Variants in IFI27L2 observed in about 807,000 individuals in gnomAD.
IFI27L2 encodes interferon alpha inducible protein 27 like 2.
IFI27L2 carries 8 observed loss-of-function variants against 7.9 expected under a neutral mutation model. The ratio of observed to expected loss-of-function variants is 1.02; its 90% CI spans 0.60 to 1.84. The LOEUF is 1.84. Ranked by LOEUF, IFI27L2 falls within the 40% of genes most tolerant of loss-of-function variation. The pLI is 0.00. For synonymous variants in IFI27L2, 56 were observed against 66.5 expected (o/e 0.84, Z 0.77); for missense variants, 190 against 165.8 (o/e 1.15, Z -0.80).
At position 94,129,176 on chromosome 14, in the gene IFI27L2, G is replaced by C. The variant is rs937960436; in HGVS notation, c.37+86C>G. 48 of 1,093,910 alleles carry C rather than the reference G, an allele frequency of 4.4e-5. No homozygotes were observed. The African/African-American group carries it at 5.7e-4, about 13-fold the overall frequency. The allele number at this position is 1,093,910 out of a possible 1,614,324, so 67.8% of individuals were successfully genotyped here. A position where few individuals can be genotyped will look rare whatever the true frequency, so the allele number is the denominator to read the frequency against. On this transcript the variant is annotated intron_variant, in intron 2 of 3. Coordinates refer to ENST00000238609, the MANE Select transcript of IFI27L2 (RefSeq NM_032036.3). The stretch of plus-strand genomic sequence containing the variant: ...CTTCGGAAGTGGAGGGTGAGAGCCA[G>C]CCCAGCGCCTCATCTCTGCGTTCTC...
intron 1 of IFI27L2, 61 bp downstream of exon 1, chr14:94,129,497 T>C: frequency 6.6e-7 from 1 of 1,512,364 alleles, no homozygotes; most frequent in Non-Finnish European, 9.2e-7. Flanking sequence ...CTTCCTGGGC[T>C]GGGGTTGGGG....
At chr14:94,128,760 A>G (rs1263294737) in intron 2 of IFI27L2, 85 bp from the exon 3 acceptor site, 13 of 1,155,912 alleles carry the variant, frequency 1.1e-5, no homozygotes, top group African/African-American at 1.5e-5. Flanking sequence ...ATTCCTTGAC[A>G]GTTTCCGGAG....
At chr14:94,129,180 A>G in intron 2 of IFI27L2, 82 bp downstream of exon 2, 3 of 1,137,036 alleles carry the variant, frequency 2.6e-6, no homozygotes, top group Non-Finnish European at 3.9e-6. Flanking sequence ...GAGCCAGCCC[A>G]GCGCCTCATC....
Position 94,129,599 on chromosome 14 carries a change from A to T in IFI27L2, c.-35T>A, listed in dbSNP as rs138436410. On this transcript the variant is annotated 5_prime_UTR_variant, in exon 1 of 4. Coordinates refer to ENST00000238609, the MANE Select transcript of IFI27L2 (RefSeq NM_032036.3). ...GTCCGGGTCCCAACTTGGCCCAGGA[A>T]ATGACAGCGTTCTTGGGGTGTTACT... is the stretch of plus-strand genomic sequence containing the variant. 905 of 1,611,724 alleles carry T rather than the reference A, an allele frequency of 5.6e-4. 15 individuals are homozygous for T. The East Asian group carries it at 0.02, about 35-fold the overall frequency.
At chr14:94,128,342 C>T (rs1198719267) in intron 3 of IFI27L2, 172 bp downstream of exon 3, 10 of 640,098 alleles carry the variant, frequency 1.6e-5, no homozygotes, top group Non-Finnish European at 2.4e-5. Flanking sequence ...CACCCCTCCA[C>T]TCCTACCCCA....
rs146070904 is a variant in IFI27L2, at chr14:94,128,608, C to T, written c.105G>A (p.Ala35=). The T allele has an allele frequency of 1.6e-4, 256 of 1,614,144 alleles. No individual in the cohort carries two copies. Among genetic ancestry groups the T allele is most frequent in the Non-Finnish European group, 1.9e-4 (228 of 1,179,986 alleles). ...AMGFTGAGIA[A]SSIAAKMMSA... ...ACATCATCTTGGCTGCTATGGAGGA[C>T]GCGGCGATTCCTGCCCCAGTGAAGC... is the stretch of plus-strand genomic sequence containing the variant. The change falls in exon 3 of 4, where the codon GCG becomes GCA. Residue 35 remains alanine, a synonymous_variant. Transcript: ENST00000238609.
chr14:94,127,888 G>T lies in IFI27L2; in HGVS notation c.304C>A (p.Pro102Thr). ...NSPSSSLPAE[P>T]EAKEDEAREN... is the part of the protein sequence containing the mutation. ...CTTGCCTCATCTTCTTTAGCCTCGG[G>T]TTCAGCTGGGAGAGAAGAAGAAGGT... Residue 102 changes from proline to threonine, a missense_variant, in exon 4 of 4, where the codon CCC (proline) becomes ACC (threonine). Coordinates refer to ENST00000238609, the MANE Select transcript of IFI27L2 (RefSeq NM_032036.3). The T allele has an allele frequency of 6.2e-7, 1 of 1,613,908 alleles. No individual in the cohort carries two copies. The highest frequency in any genetic ancestry group is 8.5e-7 in the Non-Finnish European group (1 of 1,179,790).
rs1887621773 is a variant in IFI27L2, at chr14:94,128,298, G to C, written c.199+216C>G. ...AACCCAGGCATTGCTCTTGGCCTAG[G>C]TTCCTTTCCTCTTCTCCCTACCCAG... On this transcript the variant is annotated intron_variant, in intron 3 of 3. Coordinates refer to ENST00000238609, the MANE Select transcript of IFI27L2 (RefSeq NM_032036.3). 10 of 602,044 alleles carry C rather than the reference G, an allele frequency of 1.7e-5. No homozygotes were observed. The South Asian group carries it at 2.1e-4, about 12-fold the overall frequency. 37.3% of individuals were successfully genotyped at this position (602,044 alleles called of 1,614,324 possible).
rs368269665 is a variant in IFI27L2 at position 94,129,212 on chromosome 14, G to C, written c.37+50C>G. On this transcript the variant is annotated intron_variant, in intron 2 of 3. Coordinates refer to ENST00000238609, the MANE Select transcript of IFI27L2 (RefSeq NM_032036.3). Reference sequence around the variant, plus strand: ...CATCTCTGCGTTCTCCCAGCAGCCCGGGGACCAGGCTAGGTGAGGGCCTGG... The same window carrying C: ...CATCTCTGCGTTCTCCCAGCAGCCCCGGGACCAGGCTAGGTGAGGGCCTGG... 2.6e-5 allele frequency: 40 copies of C among 1,512,388 alleles called. No homozygotes were observed. The African/African-American group carries it at 4.7e-4, about 18-fold the overall frequency. 93.7% of individuals were successfully genotyped at this position (1,512,388 alleles called of 1,614,324 possible).
At chr14:94,128,984 TAA>T in intron 2 of IFI27L2, 1 of 570,918 alleles carries the variant, frequency 1.8e-6, no homozygotes, top group African/African-American at 1.9e-5. Context: ...TGTCCACGCA[TAA>T]ATGTGAAATA....
At chr14:94,129,516 C>CCCCAG in intron 1 of IFI27L2, 42 bp downstream of exon 1, 1 of 1,601,358 alleles carries the variant, frequency 6.2e-7, no homozygotes, top group Non-Finnish European at 8.6e-7. Flanking sequence ...GGAAGCCTGC[C>CCCCAG]CCCAGCCCAG....
At chr14:94,129,164 G>T in intron 2 of IFI27L2, 98 bp downstream of exon 2, 1 of 925,112 alleles carries the variant, frequency 1.1e-6, no homozygotes, top group Non-Finnish European at 1.7e-6. Flanking sequence ...CGGAAGTGGA[G>T]GGTGAGAGCC....
At position 94,129,194 on chromosome 14, in the gene IFI27L2, G is replaced by T. The variant is rs961288811; in HGVS notation, c.37+68C>A. ...AGAGCCAGCCCAGCGCCTCATCTCT[G>T]CGTTCTCCCAGCAGCCCGGGGACCA... On this transcript the variant is annotated intron_variant, in intron 2 of 3. Coordinates refer to ENST00000238609, the MANE Select transcript of IFI27L2 (RefSeq NM_032036.3). The T allele has an allele frequency of 3.8e-6, 5 of 1,328,672 alleles. No homozygotes were observed. The African/African-American group carries it at 5.8e-5, about 15-fold the overall frequency. The allele number at this position is 1,328,672 out of a possible 1,614,324, so 82.3% of individuals were successfully genotyped here.
intron 3 of IFI27L2, 45 bp from the exon 4 acceptor site, chr14:94,128,037 C>A (rs1251222884): frequency 7.3e-7 from 1 of 1,370,334 alleles, no homozygotes; most frequent in East Asian, 2.3e-5. Context: ...GGCAGTGGCC[C>A]AGAAATCCCA....
rs1887614566 is a variant in IFI27L2, at chr14:94,127,929, G to A, written c.263C>T (p.Ala88Val). ...LLASVGSVLGACLGNSPSSSL... is the reference protein window; with the variant it reads ...LLASVGSVLGVCLGNSPSSSL... Reference sequence around the variant, plus strand: ...AGAAGAAGGTGAATTCCCCAAGCAGGCCCCCAACACTGACCCAACAGAGGC... The same window carrying A: ...AGAAGAAGGTGAATTCCCCAAGCAGACCCCCAACACTGACCCAACAGAGGC... The change falls in exon 4 of 4, where the codon GCC becomes GTC. Residue 88 changes from alanine to valine, a missense_variant. Transcript: ENST00000238609. The A allele has an allele frequency of 6.2e-7, 1 of 1,613,560 alleles. No individual in the cohort carries two copies. Among genetic ancestry groups the A allele is most frequent in the African/African-American group, 1.3e-5 (1 of 74,870 alleles).
In IFI27L2 at chr14:94,128,560, C is replaced by T. The variant is rs1188681831; in HGVS notation, c.153G>A (p.Gly51=). The change falls in exon 3 of 4, where the codon GGG becomes GGA. Residue 51 remains glycine, a synonymous_variant. Coordinates refer to ENST00000238609, the MANE Select transcript of IFI27L2 (RefSeq NM_032036.3). ...CCAGGCTCCCCGCAGAAACACCACC[C>T]CCGTTGGCAATGGCTGCTGCGGACA... is the stretch of plus-strand genomic sequence containing the variant. ...KMMSAAAIAN[G]GGVSAGSLVA... is the part of the protein sequence containing the mutation. The T allele has an allele frequency of 6.2e-7, 1 of 1,614,204 alleles. No homozygotes were observed.
chr14:94,128,909 T>C (rs1887633994), intron 2 of IFI27L2: 12 of 595,302 alleles, frequency 2.0e-5, no homozygotes, highest in Non-Finnish European at 3.6e-5. Context: ...TGCTGTGTGA[T>C]GCTGAGGAAG....
intron 2 of IFI27L2, 78 bp from the exon 3 acceptor site, chr14:94,128,753 C>A: frequency 8.0e-7 from 1 of 1,251,134 alleles, no homozygotes; most frequent in East Asian, 2.5e-5. Context: ...CTTAGGAATT[C>A]CTTGACAGTT....
At chr14:94,129,203 C>T (rs972516253) in intron 2 of IFI27L2, 59 bp downstream of exon 2, 2 of 1,445,774 alleles carry the variant, frequency 1.4e-6, no homozygotes, top group South Asian at 1.2e-5. Context: ...TGCGTTCTCC[C>T]AGCAGCCCGG....
Sources: gnomAD v4.1 joint callset for allele counts on GRCh38, gnomAD v4.1.1 for gene constraint, MANE v1.5 for transcripts, NCBI Gene and HGNC (gene_info 2026-07-23, HGNC 2026-07-21) for gene names.